Variants in MSI2 observed in about 807,000 individuals in gnomAD.
MSI2 encodes musashi RNA binding protein 2.
MSI2 carries 17 observed loss-of-function variants against 45.6 expected under a neutral mutation model. That is an observed-to-expected ratio of 0.37 (90% CI 0.26 to 0.56). MSI2 has a LOEUF of 0.56. Ranked by LOEUF, MSI2 falls within the 20% of genes least tolerant of loss-of-function variation. The pLI, the probability that MSI2 is intolerant of heterozygous loss-of-function variation, is 0.77. For missense variants in MSI2, 293 were observed against 444.2 expected (o/e 0.66, Z 3.06); for synonymous variants, 156 against 158.2 (o/e 0.99, Z 0.11).
intron 5 of MSI2, among the ~76,000 whole-genome samples, chr17:57,399,381 G>T (rs1420149986): frequency 6.6e-6 from 1 of 152,216 alleles, no homozygotes; most frequent in Non-Finnish European, 1.5e-5. Flanking sequence ...TTAGAATAAT[G>T]TCCTCTTAAA....
intron 7 of MSI2, among the ~76,000 whole-genome samples, chr17:57,544,052 GT>G (rs1331287358): frequency 6.6e-6 from 1 of 152,130 alleles, no homozygotes; most frequent in Non-Finnish European, 1.5e-5. Flanking sequence ...TCTCTTTAGG[GT>G]TGCATCCCAG....
intron 6 of MSI2, among the ~76,000 whole-genome samples, chr17:57,468,020 G>A (rs552814331): frequency 1.9e-4 from 29 of 151,770 alleles, no homozygotes; most frequent in African/African-American, 2.9e-4. Flanking sequence ...AACTAAAGTC[G>A]TTGCCTCAAA....
intron 2 of MSI2, 23 bp from the exon 3 acceptor site, chr17:57,257,443 T>G: frequency 1.9e-6 from 2 of 1,051,152 alleles, no homozygotes; most frequent in Non-Finnish European, 2.8e-6. Context: ...CCCCCCCCCA[T>G]CTCTCTCTTT....
intron 6 of MSI2, among the ~76,000 whole-genome samples, chr17:57,502,750 G>A (rs971359281): frequency 3.3e-5 from 5 of 151,028 alleles, no homozygotes; most frequent in African/African-American, 1.2e-4. Context: ...GCGTGTTTGT[G>A]CACAGAGGCG....
At chr17:57,631,939 G>A in intron 10 of MSI2, 1 of 1,507,966 alleles carries the variant, frequency 6.6e-7, no homozygotes, top group East Asian at 2.4e-5. Flanking sequence ...CTGAAAGTCT[G>A]TCTTAGCTGC....
chr17:57,494,380 T>C (rs188942940), intron 6 of MSI2, among the ~76,000 whole-genome samples: 1 of 152,152 alleles, frequency 6.6e-6, no homozygotes, highest in Non-Finnish European at 1.5e-5. Flanking sequence ...GAGCCTAGTG[T>C]TTTGATTCTT....
At position 57,677,342 on chromosome 17, in the gene MSI2, T is replaced by C. The variant is rs138336402; in HGVS notation, c.*31+283T>C. On this transcript the variant is annotated intron_variant, in intron 13 of 13. Transcript: ENST00000284073. ...TTTTCTGTATCTTCCCCACCCTTCA[T>C]CTTTCTCTGTCTTGAAATACAATCA... is the stretch of plus-strand genomic sequence containing the variant. Among the ~76,000 whole-genome samples, 387 of 152,366 alleles carry C rather than the reference T, an allele frequency of 2.5e-3. 1 individual carries two copies. Among genetic ancestry groups the C allele is most frequent in the African/African-American group, 8.8e-3 (364 of 41,594 alleles).
intron 6 of MSI2, among the ~76,000 whole-genome samples, chr17:57,498,350 G>C (rs868484263): frequency 6.6e-6 from 1 of 152,238 alleles, no homozygotes; most frequent in Non-Finnish European, 1.5e-5. Flanking sequence ...TAAATGAGTA[G>C]CTAAGTATCT....
intron 5 of MSI2, among the ~76,000 whole-genome samples, chr17:57,381,847 A>G (rs2083603421): frequency 6.6e-6 from 1 of 152,260 alleles, no homozygotes; most frequent in Admixed American, 6.5e-5. Flanking sequence ...ACTTAGGTGT[A>G]GAGTCGTGTG....
intron 6 of MSI2, among the ~76,000 whole-genome samples, chr17:57,468,044 A>G (rs1027984203): frequency 9.9e-5 from 15 of 151,658 alleles, no homozygotes; most frequent in Admixed American, 1.3e-4. Flanking sequence ...AGCAATGTCA[A>G]GTGTAGTGGA....
chr17:57,652,025 G>T lies in MSI2; in HGVS notation c.728-74G>T. The T allele has an allele frequency of 7.1e-7, 1 of 1,406,082 alleles. No homozygotes were observed. Among genetic ancestry groups the T allele is most frequent in the Non-Finnish European group, 1.0e-6 (1 of 991,870 alleles). 87.1% of individuals were successfully genotyped at this position (1,406,082 alleles called of 1,614,324 possible). ...TGTGTGGAGGGCGGGGGGTTGTGTG[G>T]CCCGTGACCTAGGTCTGTGCCTGGC... On this transcript the variant is annotated intron_variant, in intron 10 of 13. Coordinates refer to ENST00000284073, the MANE Select transcript of MSI2 (RefSeq NM_138962.4). The surrounding 1 kb of genome is among the most constrained non-coding windows in gnomAD (Gnocchi z 4.1).
chr17:57,428,875 T>G lies in MSI2; in HGVS notation c.405+27404T>G, dbSNP rs193092994. Among the ~76,000 whole-genome samples the G allele has an allele frequency of 4.4e-4, 67 of 152,322 alleles. 2 individuals carry two copies. The East Asian group carries it at 0.012, about 26-fold the overall frequency. On this transcript the variant is annotated intron_variant, in intron 6 of 13. Transcript: ENST00000284073. ...CTTTTTACTCTGTGATTTCAGTGCCTTCTGCTCTCCTAGTAATAATATATT... is the reference window on the plus strand; with the variant it reads ...CTTTTTACTCTGTGATTTCAGTGCCGTCTGCTCTCCTAGTAATAATATATT...
chr17:57,472,824 T>C (rs1461279265), intron 6 of MSI2, among the ~76,000 whole-genome samples: 2 of 152,168 alleles, frequency 1.3e-5, no homozygotes, highest in Non-Finnish European at 1.5e-5. Context: ...TCTGCTTTCC[T>C]GAACCTTTTC....
At chr17:57,436,098 T>A (rs2084685799) in intron 6 of MSI2, among the ~76,000 whole-genome samples, 1 of 152,208 alleles carries the variant, frequency 6.6e-6, no homozygotes, top group Admixed American at 6.5e-5. Context: ...AAGCAGAAGG[T>A]TCCTAATGGA....
At chr17:57,298,239 G>A (rs1323500961) in intron 5 of MSI2, among the ~76,000 whole-genome samples, 1 of 152,174 alleles carries the variant, frequency 6.6e-6, no homozygotes. Flanking sequence ...TTGCAGAATG[G>A]ATGTTGGTTA....
At chr17:57,563,257 C>CCCAT (rs1163171275) in intron 7 of MSI2, among the ~76,000 whole-genome samples, 1 of 152,080 alleles carries the variant, frequency 6.6e-6, no homozygotes, top group East Asian at 1.9e-4. Context: ...CATCACCTAC[C>CCCAT]CCATCCACGT....
chr17:57,648,718 A>G (rs1910887865), intron 10 of MSI2, among the ~76,000 whole-genome samples: 1 of 152,132 alleles, frequency 6.6e-6, no homozygotes, highest in Admixed American at 6.5e-5. Flanking sequence ...CCGAGGCCCT[A>G]TGAAGAAGCC....
rs556160794 is a variant in MSI2, at chr17:57,568,048, T to G, written c.455-28820T>G. ...AGATTGGGACCTGAATTGATCTAACTCCAAGACCTATGTTCTTTCAGCATT... is the reference window on the plus strand; with the variant it reads ...AGATTGGGACCTGAATTGATCTAACGCCAAGACCTATGTTCTTTCAGCATT... On this transcript the variant is annotated intron_variant, in intron 7 of 13. Coordinates refer to ENST00000284073, the MANE Select transcript of MSI2 (RefSeq NM_138962.4). Among the ~76,000 whole-genome samples, 15 of 152,264 alleles carry G rather than the reference T, an allele frequency of 9.9e-5. No individual in the cohort carries two copies. The South Asian group carries it at 3.1e-3, about 32-fold the overall frequency.
At position 57,604,874 on chromosome 17, in the gene MSI2, A is replaced by ACC. The variant is rs11391034; in HGVS notation, c.537+7930_537+7931dup. On this transcript the variant is annotated intron_variant, in intron 8 of 13. Coordinates refer to ENST00000284073, the MANE Select transcript of MSI2 (RefSeq NM_138962.4). Reference sequence around the variant, plus strand: ...TGGCAAGGTGCCCAGTGATTGGCTCACCCCCCCACTCCTTCCAGCTGCTCC... The same window carrying ACC: ...TGGCAAGGTGCCCAGTGATTGGCTCACCCCCCCCCACTCCTTCCAGCTGCTCC... Among the ~76,000 whole-genome samples, 629 of 148,946 alleles carry ACC rather than the reference A, an allele frequency of 4.2e-3. 9 individuals are homozygous for ACC. The highest frequency in any genetic ancestry group is 0.032 in the East Asian group (157 of 4,946).
Sources: gnomAD v4.1 joint callset for allele counts (sites outside exome capture counted in the v4.1 genomes callset) on GRCh38, gnomAD v4.1.1 for gene constraint, Gnocchi (gnomAD v3.1) non-coding constraint, MANE v1.5 for transcripts, NCBI Gene and HGNC (gene_info 2026-07-23, HGNC 2026-07-21) for gene names.